Variants in NRK observed in about 807,000 individuals in gnomAD.
The protein encoded by NRK is Nik related kinase, also known as nik-related protein kinase.
NRK carries 67 observed loss-of-function variants against 125.2 expected under a neutral mutation model. That is an observed-to-expected ratio of 0.54 (90% CI 0.44 to 0.66). The LOEUF (loss-of-function observed/expected upper bound fraction) is 0.66. Among genes scored for constraint, NRK ranks in the 30% least tolerant of loss-of-function variants. The pLI, the probability that NRK is intolerant of heterozygous loss-of-function variation, is 0.00. For synonymous variants in NRK, 458 were observed against 429.0 expected, an observed-to-expected ratio of 1.07 and a Z score of -0.84; for missense variants, 1,224 against 1,192.9, an observed-to-expected ratio of 1.03 and a Z score of -0.38.
chrX:105,952,910 G>C (rs1486978287), intron 27 of NRK, 124 bp from the exon 28 acceptor site: 30 of 549,834 alleles, frequency 5.5e-5, no homozygotes, highest in Non-Finnish European at 6.8e-5. Flanking sequence ...GGGAAAAACA[G>C]GATGTGCTAA....
At chrX:105,951,591 A>T (rs1209512990) in intron 27 of NRK, among the ~76,000 whole-genome samples, 1 of 112,395 alleles carries the variant, frequency 8.9e-6, no homozygotes, top group African/African-American at 3.2e-5. Flanking sequence ...ATTCAGATCC[A>T]GATTTCCCCA....
At chrX:105,934,183 G>A (rs1157799950) in intron 19 of NRK, 75 bp from the exon 20 acceptor site, 5 of 569,191 alleles carry the variant, frequency 8.8e-6, no homozygotes, top group Admixed American at 3.8e-5. Context: ...TTTTTCAAAC[G>A]ACCCCTCACT....
In NRK at chrX:105,924,988, G is replaced by A. The variant is rs771756606; in HGVS notation, c.3269G>A (p.Gly1090Glu). The change falls in exon 19 of 29, where the codon GGA (glycine) becomes GAA (glutamate). Residue 1090 changes from glycine (G) to glutamate (E), a missense_variant. Gly to Glu is a moderately conservative substitution (Grantham distance 98). Transcript: ENST00000243300. ...EENCSETDGPGLKRPASQDFE... is the reference protein window; with the variant it reads ...EENCSETDGPELKRPASQDFE... ...AATTGCTCAGAGACAGATGGTCCAG[G>A]ATTGAAGAGACCTGCGTCTCAGGAC... 2.5e-6 allele frequency: 3 copies of A among 1,210,755 alleles called. No homozygotes were observed. The East Asian group carries it at 8.9e-5, about 36-fold the overall frequency.
chrX:105,888,394 C>T lies in NRK; in HGVS notation c.353C>T (p.Pro118Leu), dbSNP rs778475176. ...SFYGAFFKLS[P>L]PGQRHQLWMV... ...TATGGAGCATTTTTCAAGCTGAGTCCCCCTGGTCAGCGGCACCAACTTTGG... is the reference window on the plus strand; with the variant it reads ...TATGGAGCATTTTTCAAGCTGAGTCTCCCTGGTCAGCGGCACCAACTTTGG... Residue 118 changes from proline (P) to leucine (L), a missense_variant, in exon 5 of 29, where the codon CCC becomes CTC. By Grantham distance (98) the Pro-to-Leu change is moderately conservative. Coordinates refer to ENST00000243300, the MANE Select transcript of NRK (RefSeq NM_198465.4). The T allele has an allele frequency of 1.7e-5, 20 of 1,196,209 alleles. No homozygotes were observed. Among genetic ancestry groups the T allele is most frequent in the Non-Finnish European group, 2.1e-5 (19 of 887,741 alleles).
intron 3 of NRK, among the ~76,000 whole-genome samples, chrX:105,880,534 C>T (rs961962109): frequency 5.4e-5 from 6 of 110,914 alleles, no homozygotes; most frequent in African/African-American, 1.6e-4. Context: ...CTGTACTCCT[C>T]TCTGTTTCTA....
intron 8 of NRK, among the ~76,000 whole-genome samples, chrX:105,899,930 C>T (rs1390658198): frequency 2.7e-5 from 3 of 109,566 alleles, no homozygotes; most frequent in Non-Finnish European, 3.8e-5. Flanking sequence ...ATTACACCAT[C>T]GCACTCCAGC....
chrX:105,928,723 C>T (rs2040556176), intron 19 of NRK, among the ~76,000 whole-genome samples: 1 of 110,658 alleles, frequency 9.0e-6, no homozygotes, highest in Admixed American at 9.6e-5. Context: ...TCTTAATTTC[C>T]TTCTTATTTA....
chrX:105,918,163 C>A (rs931351580), intron 16 of NRK, among the ~76,000 whole-genome samples: 1 of 111,367 alleles, frequency 9.0e-6, no homozygotes, highest in African/African-American at 3.3e-5. Context: ...AATACATGAA[C>A]AATTAATCTA....
rs960809870 is a variant in NRK, at chrX:105,924,107, T to C, written c.2976-588T>C. On this transcript the variant is annotated intron_variant, in intron 18 of 28. Coordinates refer to ENST00000243300, the MANE Select transcript of NRK (RefSeq NM_198465.4). ...TATGCAAAAAGAGAGCATTGGCACA[T>C]TTTGTTAAGCTTAGTATTTTTAGCA... is the stretch of plus-strand genomic sequence containing the variant. 5.5e-5 allele frequency among the ~76,000 whole-genome samples: 6 copies of C among 109,139 alleles called. No homozygotes were observed. The Admixed American group carries it at 5.9e-4, about 11-fold the overall frequency. The allele number at this position is 109,139 out of a possible 115,157, so 94.8% of individuals were successfully genotyped here.
intron 26 of NRK, 107 bp downstream of exon 26, chrX:105,946,571 A>G: frequency 1.7e-6 from 1 of 572,212 alleles, no homozygotes; most frequent in Non-Finnish European, 2.8e-6. Flanking sequence ...TAATGTCTAT[A>G]CCGGAACTGA....
At chrX:105,946,170 C>T in intron 25 of NRK, 145 bp from the exon 26 acceptor site, 1 of 721,636 alleles carries the variant, frequency 1.4e-6, no homozygotes, top group Non-Finnish European at 2.0e-6. Context: ...AACTGTAATA[C>T]ACAGGTCTCT....
chrX:105,932,065 T>C (rs1301453905), intron 19 of NRK, among the ~76,000 whole-genome samples: 2 of 111,719 alleles, frequency 1.8e-5, no homozygotes, highest in Non-Finnish European at 3.8e-5. Context: ...GTGACTTATA[T>C]AAGTGGAATC....
chrX:105,886,859 A>G (rs1602640140), intron 4 of NRK, among the ~76,000 whole-genome samples: 1 of 111,278 alleles, frequency 9.0e-6, no homozygotes, highest in Admixed American at 9.7e-5. Context: ...AGGATTACCA[A>G]ATAATCAAGA....
At chrX:105,870,870 A>G (rs1257131290) in intron 2 of NRK, among the ~76,000 whole-genome samples, 1 of 111,871 alleles carries the variant, frequency 8.9e-6, no homozygotes, top group African/African-American at 3.3e-5. Context: ...GGGGAAAAAC[A>G]TTATTCTGTT....
chrX:105,911,627 T>C (rs1369918666), intron 13 of NRK, among the ~76,000 whole-genome samples: 7 of 111,216 alleles, frequency 6.3e-5, no homozygotes, highest in Non-Finnish European at 1.1e-4. Context: ...TGTCTAGTTC[T>C]CAGAGAAAAA....
chrX:105,878,320 C>A (rs2039840969), intron 2 of NRK, among the ~76,000 whole-genome samples: 1 of 110,858 alleles, frequency 9.0e-6, no homozygotes, highest in Non-Finnish European at 1.9e-5. Flanking sequence ...GGTGTCATTA[C>A]AATCCTACGA....
intron 15 of NRK, among the ~76,000 whole-genome samples, chrX:105,916,615 G>A (rs2040369306): frequency 9.0e-6 from 1 of 111,547 alleles, no homozygotes; most frequent in Admixed American, 9.5e-5. Flanking sequence ...TATGTCTTCA[G>A]ATTTAACTGG....
At chrX:105,903,937 C>T (rs942969367) in intron 9 of NRK, among the ~76,000 whole-genome samples, 4 of 112,009 alleles carry the variant, frequency 3.6e-5, no homozygotes, top group African/African-American at 1.3e-4. Flanking sequence ...GTACTTGGAG[C>T]TAATTCTGCC....
In NRK at chrX:105,943,942, C is replaced by T; in HGVS notation, c.3960C>T (p.Leu1320=). Residue 1320 remains leucine (L), a splice_region_variant and synonymous_variant, in exon 24 of 29, where the codon CTC becomes CTT. Transcript: ENST00000243300. ...KLTGCEHFSV[L]QHEETTYIAI... ...CTTTTTTGTGTTTTATCATTATAGTCCAACATGAAGAAACAACATATATTG... is the reference window on the plus strand; with the variant it reads ...CTTTTTTGTGTTTTATCATTATAGTTCAACATGAAGAAACAACATATATTG... 1 of 1,080,327 alleles carries T rather than the reference C, an allele frequency of 9.3e-7. No homozygotes were observed. Among genetic ancestry groups the T allele is most frequent in the Non-Finnish European group, 1.3e-6 (1 of 789,248 alleles). The allele number at this position is 1,080,327 out of a possible 1,213,427, so 89.0% of individuals were successfully genotyped here.
Sources: gnomAD v4.1 joint callset for allele counts (sites outside exome capture counted in the v4.1 genomes callset) on GRCh38, gnomAD v4.1.1 for gene constraint, MANE v1.5 for transcripts, NCBI Gene and HGNC (gene_info 2026-07-23, HGNC 2026-07-21) for gene names.